MAGI3: variants seen among roughly 807,000 people sequenced by gnomAD.
The protein encoded by MAGI3 is membrane-associated guanylate kinase, WW and PDZ domain-containing protein 3.
MAGI3 carries 43 observed loss-of-function variants against 121.8 expected under a neutral mutation model. The ratio of observed to expected loss-of-function variants is 0.35; its 90% CI spans 0.28 to 0.46. The LOEUF (loss-of-function observed/expected upper bound fraction) is 0.46. Ranked by LOEUF, MAGI3 falls within the 20% of genes least tolerant of loss-of-function variation. MAGI3 has a pLI of 1.00. For missense variants in MAGI3, 1,547 were observed against 1,797.3 expected (o/e 0.86, Z 2.52); for synonymous variants, 553 against 639.3 (o/e 0.86, Z 2.04).
intron 2 of MAGI3, among the ~76,000 whole-genome samples, chr1:113,559,022 C>A (rs1295781933): frequency 4.6e-5 from 7 of 152,246 alleles, no homozygotes; most frequent in Middle Eastern, 3.4e-3. Context: ...TACTGCTAGA[C>A]CTGCCTTGCA....
At chr1:113,634,387 A>G in intron 9 of MAGI3, among the ~76,000 whole-genome samples, 1 of 152,034 alleles carries the variant, frequency 6.6e-6, no homozygotes, top group Non-Finnish European at 1.5e-5. Context: ...GTTTAAGTCT[A>G]ATCCATCTTG....
At chr1:113,569,086 G>T (rs1161567337) in intron 2 of MAGI3, among the ~76,000 whole-genome samples, 1 of 152,082 alleles carries the variant, frequency 6.6e-6, no homozygotes. Flanking sequence ...TGTAGAAAAT[G>T]ACATGAATTT....
At chr1:113,530,465 A>G (rs942609351) in intron 1 of MAGI3, among the ~76,000 whole-genome samples, 16 of 152,108 alleles carry the variant, frequency 1.1e-4, no homozygotes, top group African/African-American at 3.6e-4. Flanking sequence ...GGGTGGGAGG[A>G]GGGAGAGGAT....
At chr1:113,607,891 C>A (rs955587351) in intron 6 of MAGI3, among the ~76,000 whole-genome samples, 2 of 152,160 alleles carry the variant, frequency 1.3e-5, no homozygotes, top group African/African-American at 4.8e-5. Context: ...AAAGTATTCT[C>A]ATGTCATAAA....
intron 11 of MAGI3, among the ~76,000 whole-genome samples, chr1:113,644,457 A>G (rs1453371395): frequency 6.6e-6 from 1 of 151,704 alleles, no homozygotes; most frequent in Non-Finnish European, 1.5e-5. Context: ...ATTTTTTTGT[A>G]TTTTTAGTAG....
At chr1:113,546,818 C>T (rs1659555002) in intron 1 of MAGI3, among the ~76,000 whole-genome samples, 1 of 151,728 alleles carries the variant, frequency 6.6e-6, no homozygotes, top group South Asian at 2.1e-4. Context: ...CACAGTGGCT[C>T]ATGCCTGTAA....
intron 9 of MAGI3, among the ~76,000 whole-genome samples, chr1:113,639,919 G>C (rs2101818700): frequency 6.6e-6 from 1 of 152,262 alleles, no homozygotes; most frequent in African/African-American, 2.4e-5. Flanking sequence ...TAGCCAGGCT[G>C]GTGTCGAATT....
chr1:113,478,332 C>T (rs565478926), intron 1 of MAGI3, among the ~76,000 whole-genome samples: 3 of 152,294 alleles, frequency 2.0e-5, no homozygotes, highest in African/African-American at 7.2e-5. Flanking sequence ...GAATTTTCAG[C>T]TTTTCCACTC....
At chr1:113,620,977 T>C (rs1650781487) in intron 8 of MAGI3, among the ~76,000 whole-genome samples, 1 of 152,198 alleles carries the variant, frequency 6.6e-6, no homozygotes, top group Non-Finnish European at 1.5e-5. Flanking sequence ...AGTTTCATTG[T>C]TATTAATAGA....
intron 6 of MAGI3, among the ~76,000 whole-genome samples, chr1:113,610,977 T>C (rs1650096450): frequency 1.3e-5 from 2 of 152,096 alleles, no homozygotes. Flanking sequence ...TGAGTGTCCA[T>C]TGGTGGTAGA....
chr1:113,478,420 G>T (rs997641199), intron 1 of MAGI3, among the ~76,000 whole-genome samples: 1 of 152,158 alleles, frequency 6.6e-6, no homozygotes, highest in Admixed American at 6.5e-5. Flanking sequence ...TTTTGGTGTA[G>T]ATGACCTTTT....
At chr1:113,474,887 CA>C (rs1655733342) in intron 1 of MAGI3, among the ~76,000 whole-genome samples, 1 of 152,156 alleles carries the variant, frequency 6.6e-6, no homozygotes, top group South Asian at 2.1e-4. Context: ...AATATTCTTC[CA>C]TTTGTTTGTG....
At chr1:113,416,253 T>C (rs62645189) in intron 1 of MAGI3, among the ~76,000 whole-genome samples, 2 of 69,376 alleles carry the variant, frequency 2.9e-5, no homozygotes, top group South Asian at 5.0e-4. Context: ...TGTAATTAAT[T>C]ACACATATTA....
In MAGI3 at chr1:113,543,102, G is replaced by A. The variant is rs902708769; in HGVS notation, c.317-6413G>A. 3.3e-5 allele frequency among the ~76,000 whole-genome samples: 5 copies of A among 151,932 alleles called. 1 individual carries two copies. Among genetic ancestry groups the A allele is most frequent in the South Asian group, 4.1e-4 (2 of 4,824 alleles). ...TAAAATAACAGCCCTAGTCATCAGT[G>A]TTTCCATTTCTTGTTCTTGTCTCAT... On this transcript the variant is annotated intron_variant, in intron 1 of 20. Coordinates refer to ENST00000307546, the MANE Select transcript of MAGI3 (RefSeq NM_001142782.2).
intron 1 of MAGI3, among the ~76,000 whole-genome samples, chr1:113,475,721 T>C (rs2101550415): frequency 1.3e-5 from 2 of 152,340 alleles, no homozygotes; most frequent in South Asian, 2.1e-4. Context: ...GGCTTTGGTA[T>C]TAGGATCATG....
chr1:113,472,508 G>C (rs1655589765), intron 1 of MAGI3, among the ~76,000 whole-genome samples: 1 of 152,088 alleles, frequency 6.6e-6, no homozygotes, highest in Non-Finnish European at 1.5e-5. Flanking sequence ...TGATAGGTAA[G>C]TACTTACCAT....
chr1:113,642,642 TTAAGG>T, intron 10 of MAGI3, 126 bp downstream of exon 10: 1 of 1,070,496 alleles, frequency 9.3e-7, no homozygotes, highest in South Asian at 1.7e-5. Flanking sequence ...TGCATTTTCC[TTAAGG>T]TTCTGTCTGA....
chr1:113,504,255 AAG>A (rs1657199117), intron 1 of MAGI3, among the ~76,000 whole-genome samples: 1 of 152,148 alleles, frequency 6.6e-6, no homozygotes, highest in South Asian at 2.1e-4. Context: ...TATATTGCAA[AAG>A]AGAACATAAA....
In MAGI3 at chr1:113,642,254, G is replaced by A. The variant is rs375667440; in HGVS notation, c.1704G>A (p.Ser568=). 2.7e-5 allele frequency: 43 copies of A among 1,614,028 alleles called. 2 individuals carry two copies. Among genetic ancestry groups the A allele is most frequent in the South Asian group, 2.4e-4 (22 of 91,078 alleles). The change falls in exon 10 of 21, where the codon TCG becomes TCA. Residue 568 remains serine (S), a synonymous_variant. Coordinates refer to ENST00000307546, the MANE Select transcript of MAGI3 (RefSeq NM_001142782.2). The stretch of plus-strand genomic sequence containing the variant: ...GTGAGCAGAGAGTATCCATGGCATC[G>A]TCAGGCAGCTCCCAGCCTGAACTAG... ...DASEQRVSMA[S]SGSSQPELVT...
Sources: allele counts gnomAD v4.1 joint callset (sites outside exome capture counted in the v4.1 genomes callset), GRCh38; gene constraint gnomAD v4.1.1; transcripts MANE v1.5; gene names NCBI Gene and HGNC (gene_info 2026-07-23, HGNC 2026-07-21).